Variants in KCNQ3 observed in about 807,000 individuals in gnomAD.
KCNQ3 encodes potassium voltage-gated channel subfamily KQT member 3.
KCNQ3 carries 30 observed loss-of-function variants against 92.5 expected under a neutral mutation model. The observed-to-expected ratio is 0.32, with a 90% CI of 0.24 to 0.44. The LOEUF is 0.44. Ranked by LOEUF, KCNQ3 falls within the 20% of genes least tolerant of loss-of-function variation. The pLI, the probability that KCNQ3 is intolerant of heterozygous loss-of-function variation, is 1.00. For missense variants in KCNQ3, 913 were observed against 1,140.3 expected, an observed-to-expected ratio of 0.80 and a Z score of 2.87; for synonymous variants, 450 against 468.8, an observed-to-expected ratio of 0.96 and a Z score of 0.52.
chr8:132,313,077 C>A (rs937685287), intron 1 of KCNQ3, among the ~76,000 whole-genome samples: 2 of 152,196 alleles, frequency 1.3e-5, no homozygotes, highest in African/African-American at 4.8e-5. Flanking sequence ...TGGCAGTGAG[C>A]AAGGCCAACA....
intron 1 of KCNQ3, among the ~76,000 whole-genome samples, chr8:132,236,432 G>A (rs930894): frequency 0.4 from 61,313 of 151,974 alleles, 13,044 homozygotes; most frequent in African/African-American, 0.55. Context: ...AGGCAAAGGA[G>A]GTAGTGTTGA....
intron 1 of KCNQ3, among the ~76,000 whole-genome samples, chr8:132,354,868 T>C (rs1157591502): frequency 6.6e-6 from 1 of 152,164 alleles, no homozygotes; most frequent in African/African-American, 2.4e-5. Flanking sequence ...CTCTGCTCTT[T>C]ACAGTCCTCA....
chr8:132,232,640 C>G (rs1057323001), intron 1 of KCNQ3, among the ~76,000 whole-genome samples: 1 of 152,160 alleles, frequency 6.6e-6, no homozygotes, highest in African/African-American at 2.4e-5. Flanking sequence ...ACATCTAGAA[C>G]AGAGCATTCA....
intron 1 of KCNQ3, among the ~76,000 whole-genome samples, chr8:132,215,957 G>A (rs1050784313): frequency 1.3e-5 from 2 of 152,110 alleles, no homozygotes. Context: ...GGAACTCAAC[G>A]TAAGATAAAG....
chr8:132,380,669 A>ACCCT (rs1194414028), intron 1 of KCNQ3, among the ~76,000 whole-genome samples: 7 of 143,394 alleles, frequency 4.9e-5, no homozygotes, highest in East Asian at 2.2e-4. Context: ...GTTTTTTCCC[A>ACCCT]CCCTCCCTCC....
chr8:132,257,621 C>A (rs535024684), intron 1 of KCNQ3, among the ~76,000 whole-genome samples: 2 of 151,700 alleles, frequency 1.3e-5, no homozygotes, highest in East Asian at 3.9e-4. Context: ...GTGGCACGCA[C>A]CTGTAGTCCC....
chr8:132,249,213 A>G (rs1815304182), intron 1 of KCNQ3, among the ~76,000 whole-genome samples: 1 of 152,212 alleles, frequency 6.6e-6, no homozygotes, highest in South Asian at 2.1e-4. Context: ...AGGGGACCCA[A>G]GCAGGTTGCC....
chr8:132,145,986 T>C (rs975401398), intron 9 of KCNQ3, among the ~76,000 whole-genome samples: 12 of 152,220 alleles, frequency 7.9e-5, no homozygotes, highest in African/African-American at 2.9e-4. Context: ...AGGGAGGGCA[T>C]GTGGCCAAAA....
intron 1 of KCNQ3, among the ~76,000 whole-genome samples, chr8:132,387,858 G>A (rs895490881): frequency 6.6e-6 from 1 of 151,834 alleles, no homozygotes; most frequent in African/African-American, 2.4e-5. Context: ...TTTTTAATTA[G>A]CCACTTGAAC....
intron 1 of KCNQ3, among the ~76,000 whole-genome samples, chr8:132,243,163 G>T: frequency 6.6e-6 from 1 of 152,210 alleles, no homozygotes; most frequent in Admixed American, 6.5e-5. Flanking sequence ...AACTGACTAT[G>T]AGATTTAGCT....
chr8:132,313,513 T>G (rs1487507982), intron 1 of KCNQ3, among the ~76,000 whole-genome samples: 1 of 152,058 alleles, frequency 6.6e-6, no homozygotes, highest in East Asian at 1.9e-4. Context: ...GCTACAAGGG[T>G]TTAGAGTCAG....
chr8:132,411,394 T>A (rs1820647897), intron 1 of KCNQ3, among the ~76,000 whole-genome samples: 1 of 152,042 alleles, frequency 6.6e-6, no homozygotes, highest in Admixed American at 6.6e-5. Context: ...CGTAGGAATG[T>A]CAGACTAGAG....
At position 132,427,461 on chromosome 8, in the gene KCNQ3, C is replaced by G. The variant is rs368593208; in HGVS notation, c.386+52686G>C. On this transcript the variant is annotated intron_variant, in intron 1 of 14. Coordinates refer to ENST00000388996, the MANE Select transcript of KCNQ3 (RefSeq NM_004519.4). ...CAGGAAGGAGAGAGAAGAAACCATACAGACCATGCTTTTGGCTAATTGTGT... is the reference window on the plus strand; with the variant it reads ...CAGGAAGGAGAGAGAAGAAACCATAGAGACCATGCTTTTGGCTAATTGTGT... Among the ~76,000 whole-genome samples, 6 of 152,188 alleles carry G rather than the reference C, an allele frequency of 3.9e-5. No homozygotes were observed. In the East Asian group the frequency reaches 7.7e-4, roughly 20 times the overall value.
At position 132,122,446 on chromosome 8, in the gene KCNQ3, G is replaced by A. The variant is rs1286998793; in HGVS notation, c.*6816C>T. 1 of 152,160 alleles carries A rather than the reference G, an allele frequency of 6.6e-6. No homozygotes were observed. Among genetic ancestry groups the A allele is most frequent in the Non-Finnish European group, 1.5e-5 (1 of 68,030 alleles). 9.4% of individuals were successfully genotyped at this position (152,160 alleles called of 1,614,324 possible). On this transcript the variant is annotated 3_prime_UTR_variant, in exon 15 of 15. Coordinates refer to ENST00000388996, the MANE Select transcript of KCNQ3 (RefSeq NM_004519.4). ...GCAGTCCATTCGACAAGTCTAAGAG[G>A]AATTACAAATACATTCCTGAGCACT...
At chr8:132,477,214 C>A (rs1333634932) in intron 1 of KCNQ3, among the ~76,000 whole-genome samples, 1 of 152,058 alleles carries the variant, frequency 6.6e-6, no homozygotes, top group Non-Finnish European at 1.5e-5. Context: ...CTTTATAGCA[C>A]TGTGAAAACA....
chr8:132,353,230 C>T (rs11785651), intron 1 of KCNQ3, among the ~76,000 whole-genome samples: 25,577 of 151,574 alleles, frequency 0.17, 2,524 homozygotes, highest in East Asian at 0.37. Flanking sequence ...CCACAGCCCC[C>T]GACCCCCAGC....
intron 1 of KCNQ3, among the ~76,000 whole-genome samples, chr8:132,372,767 A>C (rs1007352601): frequency 1.3e-5 from 2 of 149,566 alleles, no homozygotes; most frequent in Non-Finnish European, 3.0e-5. Flanking sequence ...CTCAAAAAAA[A>C]AAAAACAAAA....
intron 1 of KCNQ3, among the ~76,000 whole-genome samples, chr8:132,457,357 A>T (rs1821965288): frequency 6.6e-6 from 1 of 152,202 alleles, no homozygotes. Context: ...TGCCTAAGGT[A>T]ACACAGTAAC....
At chr8:132,215,095 G>T (rs898455489) in intron 1 of KCNQ3, among the ~76,000 whole-genome samples, 12 of 152,226 alleles carry the variant, frequency 7.9e-5, no homozygotes, top group African/African-American at 2.9e-4. Context: ...AAGGCAGATG[G>T]AGCCATGCAC....
Sources: allele counts gnomAD v4.1 joint callset (sites outside exome capture counted in the v4.1 genomes callset), GRCh38; gene constraint gnomAD v4.1.1; transcripts MANE v1.5; gene names NCBI Gene and HGNC (gene_info 2026-07-23, HGNC 2026-07-21).